The following ITPR2 variants were observed in gnomAD, a reference collection of about 807,000 sequenced individuals.
The protein encoded by ITPR2 is inositol 1,4,5-trisphosphate-gated calcium channel ITPR2.
Under a neutral mutation model 317.1 loss-of-function variants are expected in ITPR2, and 207 were observed. The ratio of observed to expected loss-of-function variants is 0.65; its 90% CI spans 0.58 to 0.73. The LOEUF (loss-of-function observed/expected upper bound fraction) is 0.73, where lower values mean the gene tolerates loss of function less well. Among genes scored for constraint, ITPR2 ranks in the 30% least tolerant of loss-of-function variants. The probability of loss-of-function intolerance (pLI) is 0.00; values close to 1 mark genes in which losing one functional copy is unlikely to be tolerated. For missense variants in ITPR2, 2,613 were observed against 3,284.0 expected (o/e 0.80, Z 4.99); for synonymous variants, 1,156 against 1,149.1 (o/e 1.01, Z -0.12).
Position 26,616,823 on chromosome 12 carries a change from TTCC to T in ITPR2, c.3462+4297_3462+4299del, listed in dbSNP as rs1440569552. On this transcript the variant is annotated intron_variant, in intron 26 of 56. Transcript: ENST00000381340. Reference sequence around the variant, plus strand: ...CAGACAGCAAGACCAACCCTCCCTCTTCCTCCTCCTCCTGAATCTACTCAACAT... The same window carrying T: ...CAGACAGCAAGACCAACCCTCCCTCTTCCTCCTCCTGAATCTACTCAACAT... Among the ~76,000 whole-genome samples the T allele has an allele frequency of 5.3e-5, 8 of 152,234 alleles. No homozygotes were observed. In the East Asian group the frequency reaches 1.5e-3, roughly 29 times the overall value.
At chr12:26,676,692 T>A (rs1947915051) in intron 13 of ITPR2, among the ~76,000 whole-genome samples, 1 of 151,808 alleles carries the variant, frequency 6.6e-6, no homozygotes, top group African/African-American at 2.4e-5. Flanking sequence ...TTAAAAAATA[T>A]AATTAATCAC....
Position 26,463,932 on chromosome 12 carries a change from C to A in ITPR2, c.6342+11364G>T, listed in dbSNP as rs759910176. ...CACACGCACAGCACGCTAAATATTGCCCCCATCTCTGTGCATATTTTCCCT... is the reference window on the plus strand; with the variant it reads ...CACACGCACAGCACGCTAAATATTGACCCCATCTCTGTGCATATTTTCCCT... On this transcript the variant is annotated intron_variant, in intron 45 of 56. Coordinates refer to ENST00000381340, the MANE Select transcript of ITPR2 (RefSeq NM_002223.4). 8.0e-4 allele frequency among the ~76,000 whole-genome samples: 122 copies of A among 152,052 alleles called. 1 individual carries two copies. Among genetic ancestry groups the A allele is most frequent in the Non-Finnish European group, 1.9e-4 (13 of 68,006 alleles).
Position 26,659,099 on chromosome 12 carries a change from GAATCATTTC to G in ITPR2, c.1886+5_1886+13del. On this transcript the variant is annotated splice_donor_5th_base_variant and intron_variant, in intron 16 of 56. Coordinates refer to ENST00000381340, the MANE Select transcript of ITPR2 (RefSeq NM_002223.4). ...TCTCCACTAGAAAAGAATACCGCAT[GAATCATTTC>G]AAACCTTGGCTCCCGATTTCTCCTG... 1 of 1,598,756 alleles carries G rather than the reference GAATCATTTC, an allele frequency of 6.3e-7. No individual in the cohort carries two copies. The highest frequency in any genetic ancestry group is 8.6e-7 in the Non-Finnish European group (1 of 1,168,494).
At chr12:26,462,302 G>T (rs1437023577) in intron 45 of ITPR2, among the ~76,000 whole-genome samples, 3 of 152,056 alleles carry the variant, frequency 2.0e-5, no homozygotes, top group Admixed American at 1.3e-4. Flanking sequence ...GAGTAGCTGG[G>T]ACTACAGGCA....
chr12:26,419,020 A>G, intron 50 of ITPR2, 29 bp downstream of exon 50: 1 of 1,576,478 alleles, frequency 6.3e-7, no homozygotes, highest in Non-Finnish European at 8.6e-7. Flanking sequence ...CTTTTTCAGC[A>G]GTGATTGTCC....
chr12:26,825,864 TTC>T (rs1465033124), intron 1 of ITPR2, among the ~76,000 whole-genome samples: 1 of 152,242 alleles, frequency 6.6e-6, no homozygotes, highest in Non-Finnish European at 1.5e-5. Flanking sequence ...GTATTCAAGC[TTC>T]TGTCATCTTC....
At chr12:26,801,651 C>A (rs925973490) in intron 1 of ITPR2, among the ~76,000 whole-genome samples, 1 of 152,062 alleles carries the variant, frequency 6.6e-6, no homozygotes, top group Non-Finnish European at 1.5e-5. Flanking sequence ...AGTCATCAGG[C>A]GCTAACTAGA....
intron 54 of ITPR2, among the ~76,000 whole-genome samples, chr12:26,390,713 A>T (rs1291442460): frequency 6.6e-6 from 1 of 152,222 alleles, no homozygotes; most frequent in Non-Finnish European, 1.5e-5. Flanking sequence ...TGAATTGTAC[A>T]TATTAAATGG....
chr12:26,604,688 A>G (rs1164503254), intron 26 of ITPR2, among the ~76,000 whole-genome samples: 1 of 152,244 alleles, frequency 6.6e-6, no homozygotes, highest in Non-Finnish European at 1.5e-5. Flanking sequence ...TAGCTATCAT[A>G]ATGAATATTT....
At chr12:26,689,315 C>T (rs1948189712) in intron 10 of ITPR2, among the ~76,000 whole-genome samples, 1 of 151,940 alleles carries the variant, frequency 6.6e-6, no homozygotes, top group East Asian at 1.9e-4. Context: ...TACTCAGGAG[C>T]CTGTAGTGGG....
chr12:26,436,137 A>C, intron 48 of ITPR2, 84 bp downstream of exon 48: 1 of 1,288,240 alleles, frequency 7.8e-7, no homozygotes, highest in Non-Finnish European at 1.0e-6. Context: ...TTTAACAGGA[A>C]TGAAATTATT....
chr12:26,655,900 T>C, intron 19 of ITPR2, 48 bp from the exon 20 acceptor site: 1 of 1,541,548 alleles, frequency 6.5e-7, no homozygotes, highest in Non-Finnish European at 8.8e-7. Context: ...ATTGCAATCA[T>C]TTAAAAATAG....
At chr12:26,387,701 T>A in intron 54 of ITPR2, 107 bp from the exon 55 acceptor site, 1 of 1,021,822 alleles carries the variant, frequency 9.8e-7, no homozygotes, top group Non-Finnish European at 1.4e-6. Flanking sequence ...ATGCTTTCAG[T>A]AAGAGTGTGC....
intron 15 of ITPR2, among the ~76,000 whole-genome samples, chr12:26,661,510 A>G (rs1994134): frequency 0.84 from 128,099 of 152,040 alleles, 54,020 homozygotes; most frequent in Admixed American, 0.89. Context: ...CTGCCATCCC[A>G]AAGCACAGGG....
intron 24 of ITPR2, 93 bp downstream of exon 24, chr12:26,624,206 A>G: frequency 1.2e-6 from 1 of 840,232 alleles, no homozygotes; most frequent in Non-Finnish European, 1.9e-6. Context: ...CTAAAAATAA[A>G]TAGATATAGA....
chr12:26,354,269 C>CTG (rs57935606), intron 55 of ITPR2, among the ~76,000 whole-genome samples: 1 of 510 alleles, frequency 2.0e-3, no homozygotes, highest in Non-Finnish European at 0.011. Flanking sequence ...GCCAGACTCC[C>CTG]TCAAAAAAAT....
intron 22 of ITPR2, among the ~76,000 whole-genome samples, chr12:26,630,310 T>G (rs1946718393): frequency 6.9e-6 from 1 of 145,136 alleles, no homozygotes; most frequent in Non-Finnish European, 1.5e-5. Context: ...AAGTGGAAAG[T>G]AGAAAGAAAG....
At chr12:26,516,265 A>AAAGGAAG (rs1591847698) in intron 37 of ITPR2, among the ~76,000 whole-genome samples, 16 of 34,450 alleles carry the variant, frequency 4.6e-4, no homozygotes, top group Admixed American at 1.6e-3. Flanking sequence ...AGGAAAGGAA[A>AAAGGAAG]GGAAAGGAAG....
chr12:26,594,400 G>A (rs1945789181), intron 32 of ITPR2, among the ~76,000 whole-genome samples: 1 of 151,752 alleles, frequency 6.6e-6, no homozygotes, highest in South Asian at 2.1e-4. Context: ...GGGATGACAA[G>A]GATGTACCTT....
Sources: gnomAD v4.1 joint callset for allele counts (sites outside exome capture counted in the v4.1 genomes callset) on GRCh38, gnomAD v4.1.1 for gene constraint, MANE v1.5 for transcripts, NCBI Gene and HGNC (gene_info 2026-07-23, HGNC 2026-07-21) for gene names.